Variants in PTPRK observed in about 807,000 individuals in gnomAD.
PTPRK encodes protein tyrosine phosphatase receptor type K.
PTPRK carries 75 observed loss-of-function variants against 178.0 expected under a neutral mutation model. That is an observed-to-expected ratio of 0.42 (90% CI 0.35 to 0.51). The LOEUF is 0.51. Ranked by LOEUF, PTPRK falls within the 20% of genes least tolerant of loss-of-function variation. The probability of loss-of-function intolerance (pLI) is 0.02; values close to 1 mark genes in which losing one functional copy is unlikely to be tolerated. For missense variants in PTPRK, 1,441 were observed against 1,797.8 expected (o/e 0.80, Z 3.59); for synonymous variants, 637 against 620.6 (o/e 1.03, Z -0.39).
chr6:128,479,945 T>C (rs546952056), intron 1 of PTPRK, among the ~76,000 whole-genome samples: 2 of 152,254 alleles, frequency 1.3e-5, no homozygotes, highest in East Asian at 1.9e-4. Context: ...CCACTTACTA[T>C]ATCTCATAAC....
chr6:128,272,356 A>T (rs1348663054), intron 3 of PTPRK, among the ~76,000 whole-genome samples: 1 of 152,190 alleles, frequency 6.6e-6, no homozygotes, highest in Non-Finnish European at 1.5e-5. Flanking sequence ...AAACTGACAA[A>T]TGGGATCTAA....
chr6:128,030,800 A>G (rs978191153), intron 13 of PTPRK, among the ~76,000 whole-genome samples: 11 of 152,196 alleles, frequency 7.2e-5, no homozygotes, highest in African/African-American at 2.7e-4. Flanking sequence ...TTTCAAGCTG[A>G]CATAAAAATA....
chr6:128,072,129 T>C (rs568587491), intron 11 of PTPRK, among the ~76,000 whole-genome samples: 2 of 152,026 alleles, frequency 1.3e-5, no homozygotes, highest in African/African-American at 2.4e-5. Context: ...ACTCTACCCA[T>C]AGTTAATATA....
intron 1 of PTPRK, among the ~76,000 whole-genome samples, chr6:128,490,514 C>A (rs1304933216): frequency 6.6e-6 from 1 of 152,182 alleles, no homozygotes; most frequent in Non-Finnish European, 1.5e-5. Context: ...ACCGCCCAGG[C>A]CCCAATACTG....
chr6:128,509,032 C>T (rs1186250657), intron 1 of PTPRK, among the ~76,000 whole-genome samples: 4 of 152,090 alleles, frequency 2.6e-5, no homozygotes, highest in East Asian at 3.8e-4. Flanking sequence ...TTCTGAGTGG[C>T]GTGATGAAAT....
intron 1 of PTPRK, among the ~76,000 whole-genome samples, chr6:128,457,225 C>A (rs1040349302): frequency 6.6e-6 from 1 of 152,006 alleles, no homozygotes; most frequent in African/African-American, 2.4e-5. Flanking sequence ...AGAATACAAC[C>A]AATTTCAACT....
At chr6:128,139,846 A>G (rs567853947) in intron 7 of PTPRK, among the ~76,000 whole-genome samples, 7 of 151,664 alleles carry the variant, frequency 4.6e-5, no homozygotes, top group African/African-American at 1.7e-4. Flanking sequence ...TCAATTCTAT[A>G]CTTAACAGTG....
At chr6:128,093,221 T>G (rs936009393) in intron 7 of PTPRK, among the ~76,000 whole-genome samples, 7 of 152,120 alleles carry the variant, frequency 4.6e-5, no homozygotes, top group Non-Finnish European at 1.0e-4. Flanking sequence ...CATTTCTTTT[T>G]TTGTTGTTTT....
intron 3 of PTPRK, among the ~76,000 whole-genome samples, chr6:128,265,935 C>T (rs180989410): frequency 1.4e-3 from 212 of 152,164 alleles, no homozygotes; most frequent in African/African-American, 4.9e-3. Context: ...TGCCCTTATT[C>T]ATGAGAGATC....
In PTPRK at chr6:127,969,881, AGTATG is replaced by A. The variant is rs1773723277; in HGVS notation, c.*341_*345del. 1 of 178,864 alleles carries A rather than the reference AGTATG, an allele frequency of 5.6e-6. No individual in the cohort carries two copies. The highest frequency in any genetic ancestry group is 2.3e-5 in the African/African-American group (1 of 42,662). The allele number at this position is 178,864 out of a possible 1,614,324, so 11.1% of individuals were successfully genotyped here. ...AAAGGGAGAAAAATGCCACGTAGAA[AGTATG>A]AACTCATGCAACATGTGGTAGCTGC... On this transcript the variant is annotated 3_prime_UTR_variant, in exon 30 of 30. Coordinates refer to ENST00000368226, the MANE Select transcript of PTPRK (RefSeq NM_002844.4).
intron 1 of PTPRK, among the ~76,000 whole-genome samples, chr6:128,480,094 TACC>T (rs1300590429): frequency 6.6e-6 from 1 of 152,094 alleles, no homozygotes; most frequent in African/African-American, 2.4e-5. Context: ...CCCACTCCAA[TACC>T]ACACCTTAGG....
At chr6:128,033,358 C>T (rs1325558594) in intron 13 of PTPRK, among the ~76,000 whole-genome samples, 5 of 152,192 alleles carry the variant, frequency 3.3e-5, no homozygotes, top group Admixed American at 2.0e-4. Flanking sequence ...ATCCAGCTGA[C>T]AAATCTCTCA....
chr6:128,342,575 G>T (rs181648114), intron 2 of PTPRK, among the ~76,000 whole-genome samples: 2 of 148,482 alleles, frequency 1.3e-5, no homozygotes, highest in Non-Finnish European at 1.5e-5. Flanking sequence ...AAAAAAAAAA[G>T]GCTCATTATG....
intron 3 of PTPRK, among the ~76,000 whole-genome samples, chr6:128,302,211 A>T (rs1214827119): frequency 6.6e-6 from 1 of 151,830 alleles, no homozygotes; most frequent in Non-Finnish European, 1.5e-5. Context: ...ACATGGTGAA[A>T]CCCCGTCTCT....
chr6:128,275,790 C>G (rs1350268334), intron 3 of PTPRK, among the ~76,000 whole-genome samples: 1 of 151,964 alleles, frequency 6.6e-6, no homozygotes, highest in Admixed American at 6.6e-5. Flanking sequence ...TCTAAGGTCC[C>G]TTTCAGTATT....
Position 128,194,709 on chromosome 6 carries a change from C to T in PTPRK, c.869-9984G>A, listed in dbSNP as rs577504390. Among the ~76,000 whole-genome samples the T allele has an allele frequency of 5.3e-5, 8 of 152,286 alleles. No homozygotes were observed. The East Asian group carries it at 1.5e-3, about 29-fold the overall frequency. ...ACAGGTGATCACCTCACCACATCAT[C>T]AGTCACCTTTAAGAGCTAGGAGACT... On this transcript the variant is annotated intron_variant, in intron 6 of 29. Coordinates refer to ENST00000368226, the MANE Select transcript of PTPRK (RefSeq NM_002844.4).
rs756983574 is a variant in PTPRK, at chr6:128,082,486, G to A, written c.1728C>T (p.Val576=). 1.2e-6 allele frequency: 2 copies of A among 1,613,444 alleles called. No individual in the cohort carries two copies. The highest frequency in any genetic ancestry group is 4.5e-5 in the East Asian group (2 of 44,866). The change falls in exon 10 of 30, where the codon GTC becomes GTT. Residue 576 remains valine (V), a synonymous_variant. Transcript: ENST00000368226. ...TGGCTGTGGCTGGACCAAAGCCTTT[G>A]ACCGTGCTGGCTCTTATGAAAAACT... The part of the protein sequence containing the change: ...TYQFFIRAST[V]KGFGPATAIN...
intron 4 of PTPRK, chr6:128,241,295 G>A (rs929063636): frequency 1.3e-5 from 7 of 533,170 alleles, no homozygotes; most frequent in East Asian, 5.4e-5. Context: ...CTCAATTTAC[G>A]AACTCTAGAC....
intron 2 of PTPRK, among the ~76,000 whole-genome samples, chr6:128,384,788 ATAT>A (rs1430735036): frequency 4.6e-5 from 7 of 151,980 alleles, no homozygotes; most frequent in Non-Finnish European, 7.4e-5. Flanking sequence ...TTGCTGTCAA[ATAT>A]TATATTAATG....
Sources: allele counts gnomAD v4.1 joint callset (sites outside exome capture counted in the v4.1 genomes callset), GRCh38; gene constraint gnomAD v4.1.1; transcripts MANE v1.5; gene names NCBI Gene and HGNC (gene_info 2026-07-23, HGNC 2026-07-21).